Variants in TENT5D observed in about 807,000 individuals in gnomAD.
TENT5D encodes the protein terminal nucleotidyltransferase 5D, also known as cancer/testis antigen 112.
For missense variants in TENT5D, 191 were observed against 287.0 expected, an observed-to-expected ratio of 0.67 and a Z score of 2.42; for synonymous variants, 103 against 100.6, an observed-to-expected ratio of 1.02 and a Z score of -0.15.
At chrX:80,341,869 G>T (rs1019163198) in intron 2 of TENT5D, among the ~76,000 whole-genome samples, 1 of 106,178 alleles carries the variant, frequency 9.4e-6, no homozygotes. Context: ...CCGCTACCAC[G>T]CCCGGCTAAT....
At chrX:80,385,420 T>C (rs1457392108) in intron 3 of TENT5D, among the ~76,000 whole-genome samples, 1 of 111,546 alleles carries the variant, frequency 9.0e-6, no homozygotes, top group African/African-American at 3.3e-5. Flanking sequence ...CAAAAATCAA[T>C]TCAAGATGGA....
In TENT5D at chrX:80,351,688, T is replaced by C. The variant is rs746100495; in HGVS notation, c.-142+9124T>C. Among the ~76,000 whole-genome samples the C allele has an allele frequency of 3.6e-5, 4 of 110,246 alleles. No individual in the cohort carries two copies. The East Asian group carries it at 1.2e-3, about 32-fold the overall frequency. On this transcript the variant is annotated intron_variant, in intron 3 of 4. Coordinates refer to the TENT5D transcript ENST00000538312. Reference sequence around the variant, plus strand: ...TCATTCTCTGTCCAGTTTTGCGCCCTTGCTGGAGAGGAGTTATGATCATTT... The same window carrying C: ...TCATTCTCTGTCCAGTTTTGCGCCCCTGCTGGAGAGGAGTTATGATCATTT...
At chrX:80,440,187 A>G (rs1932257014) in intron 2 of TENT5D, among the ~76,000 whole-genome samples, 1 of 111,607 alleles carries the variant, frequency 9.0e-6, no homozygotes, top group African/African-American at 3.2e-5. Context: ...AAAAGACTAG[A>G]ATGTTTGGAA....
intron 3 of TENT5D, among the ~76,000 whole-genome samples, chrX:80,414,704 A>C (rs1931734583): frequency 9.0e-6 from 1 of 111,720 alleles, no homozygotes; most frequent in African/African-American, 3.3e-5. Flanking sequence ...TACATAATTT[A>C]ATCTGGCTCA....
intron 3 of TENT5D, among the ~76,000 whole-genome samples, chrX:80,401,555 G>T (rs1010556569): frequency 2.7e-5 from 3 of 111,612 alleles, no homozygotes; most frequent in Admixed American, 9.5e-5. Context: ...CCTATTATAT[G>T]TGACTTTTTT....
intron 3 of TENT5D, among the ~76,000 whole-genome samples, chrX:80,353,671 T>A (rs758277927): frequency 3.6e-5 from 4 of 112,310 alleles, no homozygotes; most frequent in Non-Finnish European, 3.8e-5. Context: ...TTTAATCCAG[T>A]CTACCACTGA....
At chrX:80,362,493 T>C (rs950559610) in intron 3 of TENT5D, among the ~76,000 whole-genome samples, 8 of 112,316 alleles carry the variant, frequency 7.1e-5, no homozygotes, top group African/African-American at 2.3e-4. Flanking sequence ...TTATGGTATT[T>C]CATCTCAGCC....
At chrX:80,352,770 G>A (rs1930210846) in intron 3 of TENT5D, among the ~76,000 whole-genome samples, 1 of 105,243 alleles carries the variant, frequency 9.5e-6, no homozygotes, top group Admixed American at 1.0e-4. Flanking sequence ...CTTAGTGTCT[G>A]CCTGAACAGC....
At chrX:80,353,812 T>C (rs1354658009) in intron 3 of TENT5D, among the ~76,000 whole-genome samples, 3 of 112,413 alleles carry the variant, frequency 2.7e-5, no homozygotes, top group Non-Finnish European at 5.6e-5. Context: ...AATTGCTGGG[T>C]TGAATGGTAG....
intron 3 of TENT5D, among the ~76,000 whole-genome samples, chrX:80,409,384 A>G (rs2147551985): frequency 9.0e-6 from 1 of 111,397 alleles, no homozygotes; most frequent in South Asian, 3.8e-4. Context: ...TTCAGCTGAT[A>G]AGCAACTTCA....
At chrX:80,412,145 G>A (rs1349596880) in intron 3 of TENT5D, among the ~76,000 whole-genome samples, 1 of 112,805 alleles carries the variant, frequency 8.9e-6, no homozygotes, top group Non-Finnish European at 1.9e-5. Flanking sequence ...AAGGCTTGGG[G>A]CTCCCACCCT....
At chrX:80,383,492 A>G (rs1930919224) in intron 3 of TENT5D, among the ~76,000 whole-genome samples, 1 of 112,346 alleles carries the variant, frequency 8.9e-6, no homozygotes, top group Non-Finnish European at 1.9e-5. Context: ...AAAAGTACTG[A>G]TTTTTAAAAA....
chrX:80,391,587 G>A (rs1448385508), intron 3 of TENT5D, among the ~76,000 whole-genome samples: 3 of 111,702 alleles, frequency 2.7e-5, no homozygotes, highest in Non-Finnish European at 5.6e-5. Flanking sequence ...TTAACCTTGT[G>A]TATAAATGAT....
At chrX:80,386,822 A>T (rs1433779523) in intron 3 of TENT5D, among the ~76,000 whole-genome samples, 1 of 111,546 alleles carries the variant, frequency 9.0e-6, no homozygotes, top group Non-Finnish European at 1.9e-5. Context: ...AAAACTGCAT[A>T]TTGAAAAAAA....
chrX:80,358,904 C>G (rs1369857561), intron 3 of TENT5D, among the ~76,000 whole-genome samples: 7 of 111,692 alleles, frequency 6.3e-5, no homozygotes. Context: ...AGAGATAAGA[C>G]TTAAAAGATT....
At chrX:80,388,084 G>T (rs989158412) in intron 3 of TENT5D, among the ~76,000 whole-genome samples, 2 of 110,321 alleles carry the variant, frequency 1.8e-5, no homozygotes, top group African/African-American at 6.6e-5. Flanking sequence ...TCTTCATTCG[G>T]TTTTTGGTGA....
At chrX:80,399,643 G>A (rs1053866605) in intron 3 of TENT5D, among the ~76,000 whole-genome samples, 13 of 112,306 alleles carry the variant, frequency 1.2e-4, no homozygotes, top group Admixed American at 5.6e-4. Context: ...CAAAAGACAT[G>A]TATTAACATT....
At chrX:80,353,868 T>C (rs2147518009) in intron 3 of TENT5D, among the ~76,000 whole-genome samples, 1 of 112,504 alleles carries the variant, frequency 8.9e-6, no homozygotes, top group African/African-American at 3.2e-5. Context: ...CTTTTCACAG[T>C]GGCTGAACTA....
chrX:80,358,030 T>C (rs1375129030), intron 3 of TENT5D, among the ~76,000 whole-genome samples: 2 of 111,518 alleles, frequency 1.8e-5, no homozygotes, highest in Non-Finnish European at 3.8e-5. Context: ...AACTATCTGA[T>C]CTTTGACAAA....
Sources: gnomAD v4.1 joint callset for allele counts (sites outside exome capture counted in the v4.1 genomes callset) on GRCh38, gnomAD v4.1.1 for gene constraint, MANE v1.5 for transcripts, NCBI Gene and HGNC (gene_info 2026-07-23, HGNC 2026-07-21) for gene names.